The following SSR1 variants were observed in gnomAD, a reference collection of about 807,000 sequenced individuals.
The protein encoded by SSR1 is translocon-associated protein subunit alpha.
SSR1 carries 13 observed loss-of-function variants against 36.1 expected under a neutral mutation model. That is an observed-to-expected ratio of 0.36 (90% CI 0.23 to 0.57). SSR1 has a LOEUF of 0.57. Among genes scored for constraint, SSR1 ranks in the 20% least tolerant of loss-of-function variants. The probability of loss-of-function intolerance (pLI) is 0.81; values close to 1 mark genes in which losing one functional copy is unlikely to be tolerated. For missense variants in SSR1, 291 were observed against 338.5 expected (o/e 0.86, Z 1.10); for synonymous variants, 113 against 118.9 (o/e 0.95, Z 0.32).
chr6:7,303,572 A>G lies in SSR1; in HGVS notation c.258T>C (p.Thr86=). 6.2e-7 allele frequency: 1 copy of G among 1,612,702 alleles called. No individual in the cohort carries two copies. The highest frequency in any genetic ancestry group is 8.5e-7 in the Non-Finnish European group (1 of 1,179,250). ...TACCTTCTCCTTTTACAAACAGTATAGTTGTATCTGCACTCGGTGAAGCTT... is the reference window on the plus strand; with the variant it reads ...TACCTTCTCCTTTTACAAACAGTATGGTTGTATCTGCACTCGGTGAAGCTT... ...EPEASPSADT[T]ILFVKGEDFP... Residue 86 remains threonine (T), a synonymous_variant, in exon 3 of 8, where the codon ACT becomes ACC. Coordinates refer to ENST00000244763, the MANE Select transcript of SSR1 (RefSeq NM_003144.5).
intron 5 of SSR1, 125 bp from the exon 6 acceptor site, chr6:7,298,126 G>T (rs1482941660): frequency 1.5e-5 from 10 of 658,274 alleles, no homozygotes; most frequent in Non-Finnish European, 2.2e-5. Context: ...GGAATAAAAT[G>T]CTTTGTATTC....
In SSR1 at chr6:7,286,155, A is replaced by ATTGATGTT. The variant is rs1357070453; in HGVS notation, c.*3701_*3708dup. On this transcript the variant is annotated 3_prime_UTR_variant, in exon 8 of 8. Coordinates refer to ENST00000244763, the MANE Select transcript of SSR1 (RefSeq NM_003144.5). ...GAAAACAAACAGAACACAGCACGTG[A>ATTGATGTT]TTGATGTTTAATAAATGAGTTCCCT... 2 of 152,044 alleles carry ATTGATGTT rather than the reference A, an allele frequency of 1.3e-5. No individual in the cohort carries two copies. Among genetic ancestry groups the ATTGATGTT allele is most frequent in the Non-Finnish European group, 2.9e-5 (2 of 67,920 alleles). 9.4% of individuals were successfully genotyped at this position (152,044 alleles called of 1,614,324 possible). A position where few individuals can be genotyped will look rare whatever the true frequency, so the allele number is the denominator to read the frequency against.
intron 2 of SSR1, among the ~76,000 whole-genome samples, chr6:7,305,741 T>C (rs1434024981): frequency 6.7e-6 from 1 of 149,952 alleles, no homozygotes; most frequent in Non-Finnish European, 1.5e-5. Flanking sequence ...TATTTGGAAG[T>C]AGAAAATACA....
Position 7,287,168 on chromosome 6 carries a change from T to C in SSR1, c.*2696A>G, listed in dbSNP as rs1484889630. The C allele has an allele frequency of 1.3e-5, 2 of 152,148 alleles. No homozygotes were observed. Among genetic ancestry groups the C allele is most frequent in the Non-Finnish European group, 2.9e-5 (2 of 68,018 alleles). 9.4% of individuals were successfully genotyped at this position (152,148 alleles called of 1,614,324 possible). On this transcript the variant is annotated 3_prime_UTR_variant, in exon 8 of 8. Transcript: ENST00000244763. Reference sequence around the variant, plus strand: ...TATATGAGGCTCGCCTATTACTATATTGATCTACTGTACCTCGAAAATAAC... The same window carrying C: ...TATATGAGGCTCGCCTATTACTATACTGATCTACTGTACCTCGAAAATAAC...
chr6:7,289,315 T>C lies in SSR1; in HGVS notation c.*549A>G, dbSNP rs1757626003. 1 of 152,318 alleles carries C rather than the reference T, an allele frequency of 6.6e-6. No homozygotes were observed. Among genetic ancestry groups the C allele is most frequent in the Admixed American group, 6.5e-5 (1 of 15,270 alleles). 9.4% of individuals were successfully genotyped at this position (152,318 alleles called of 1,614,324 possible). A position where few individuals can be genotyped will look rare whatever the true frequency, so the allele number is the denominator to read the frequency against. On this transcript the variant is annotated 3_prime_UTR_variant, in exon 8 of 8. Transcript: ENST00000244763. ...AGATGCGCATTAAACAGCAGCAAAATACTGAAACAATTCTATTGCTAAAAA... is the reference window on the plus strand; with the variant it reads ...AGATGCGCATTAAACAGCAGCAAAACACTGAAACAATTCTATTGCTAAAAA...
At position 7,298,736 on chromosome 6, in the gene SSR1, C is replaced by G; in HGVS notation, c.620+11G>C. On this transcript the variant is annotated intron_variant, in intron 5 of 7. Coordinates refer to ENST00000244763, the MANE Select transcript of SSR1 (RefSeq NM_003144.5). ...CAAAATCAAGATCTACATACTACAACTTTCACTTACGTTTCTCCATCTAAC... is the reference window on the plus strand; with the variant it reads ...CAAAATCAAGATCTACATACTACAAGTTTCACTTACGTTTCTCCATCTAAC... The G allele has an allele frequency of 1.2e-6, 2 of 1,606,688 alleles. No individual in the cohort carries two copies. The highest frequency in any genetic ancestry group is 1.7e-6 in the Non-Finnish European group (2 of 1,173,676).
At position 7,292,504 on chromosome 6, in the gene SSR1, CA is replaced by C. The variant is rs1164627816; in HGVS notation, c.794-2574del. Among the ~76,000 whole-genome samples, 7 of 152,330 alleles carry C rather than the reference CA, an allele frequency of 4.6e-5. No individual in the cohort carries two copies. The South Asian group carries it at 1.2e-3, about 27-fold the overall frequency. On this transcript the variant is annotated intron_variant, in intron 7 of 7. Coordinates refer to ENST00000244763, the MANE Select transcript of SSR1 (RefSeq NM_003144.5). The stretch of plus-strand genomic sequence containing the variant: ...GCGGAACTGGTAACCCTGCTTCCAG[CA>C]GCTCCTTTGCAGTCCTCCACAAAGT...
In SSR1 at chr6:7,301,401, T is replaced by A. The variant is rs1757929128; in HGVS notation, c.452A>T (p.Gln151Leu). The change falls in exon 4 of 8, where the codon CAG becomes CTG. Residue 151 changes from glutamine (Q) to leucine (L), a missense_variant. Gln to Leu is a moderately radical substitution (Grantham distance 113). Transcript: ENST00000244763. ...AATGAAAGAGTACTCAAAAGTTGCC[T>A]GTCTCTGGGGTGGCACTACAGTGTT... ...PLNTVVPPQR[Q>L]ATFEYSFIPA... The A allele has an allele frequency of 1.2e-6, 2 of 1,614,072 alleles. No individual in the cohort carries two copies. The highest frequency in any genetic ancestry group is 2.7e-5 in the African/African-American group (2 of 74,934).
chr6:7,292,605 C>T (rs562755569), intron 7 of SSR1, among the ~76,000 whole-genome samples: 6 of 152,064 alleles, frequency 3.9e-5, no homozygotes, highest in Non-Finnish European at 5.9e-5. Context: ...AGGCTGGATT[C>T]GAACTTCTGG....
intron 3 of SSR1, among the ~76,000 whole-genome samples, chr6:7,302,176 T>C (rs574291362): frequency 4.6e-5 from 7 of 152,054 alleles, no homozygotes; most frequent in South Asian, 2.1e-4. Flanking sequence ...AAACAGAAAA[T>C]GTAAGAAGAC....
chr6:7,300,103 A>G (rs1757900589), intron 4 of SSR1, among the ~76,000 whole-genome samples: 1 of 152,164 alleles, frequency 6.6e-6, no homozygotes, highest in African/African-American at 2.4e-5. Flanking sequence ...CTACTTAACT[A>G]TAGAGTTAAG....
intron 2 of SSR1, among the ~76,000 whole-genome samples, chr6:7,307,128 T>G (rs1206326779): frequency 5.3e-5 from 8 of 152,134 alleles, no homozygotes; most frequent in Admixed American, 4.6e-4. Flanking sequence ...CCTTGGCAGC[T>G]GAGTATAGGG....
intron 2 of SSR1, 57 bp downstream of exon 2, chr6:7,309,860 A>C (rs778481993): frequency 2.2e-6 from 3 of 1,339,472 alleles, no homozygotes; most frequent in South Asian, 2.3e-5. Flanking sequence ...GCAGCATGAG[A>C]ACAGATGAAT....
At chr6:7,306,674 C>T (rs183944109) in intron 2 of SSR1, among the ~76,000 whole-genome samples, 1,876 of 150,872 alleles carry the variant, frequency 0.012, 28 homozygotes, top group African/African-American at 0.036. Context: ...CCCAGCACTT[C>T]GGGAGGCCGA....
chr6:7,303,695 A>G, intron 2 of SSR1, 58 bp from the exon 3 acceptor site: 2 of 1,394,130 alleles, frequency 1.4e-6, no homozygotes, highest in South Asian at 2.4e-5. Flanking sequence ...ATCATTATTT[A>G]AAAATAAAGA....
intron 4 of SSR1, among the ~76,000 whole-genome samples, chr6:7,299,179 T>C (rs934691983): frequency 2.0e-5 from 3 of 152,178 alleles, no homozygotes; most frequent in South Asian, 4.1e-4. Context: ...AGTTGTCCCC[T>C]GAATTTTCTT....
chr6:7,302,594 CCT>C (rs1757960686), intron 3 of SSR1, among the ~76,000 whole-genome samples: 1 of 151,626 alleles, frequency 6.6e-6, no homozygotes, highest in Non-Finnish European at 1.5e-5. Context: ...AAACCCCATC[CCT>C]ACTAAAAATA....
intron 4 of SSR1, 58 bp downstream of exon 4, chr6:7,301,252 A>G (rs912892604): frequency 1.3e-6 from 2 of 1,568,152 alleles, no homozygotes. Flanking sequence ...CTATTAAACA[A>G]CGTCACCGCC....
chr6:7,311,043 A>C (rs1326037370), intron 1 of SSR1, among the ~76,000 whole-genome samples: 6 of 152,262 alleles, frequency 3.9e-5, no homozygotes, highest in Admixed American at 2.6e-4. Context: ...AAATATCTGT[A>C]ATCATATCCA....
Sources: allele counts gnomAD v4.1 joint callset (sites outside exome capture counted in the v4.1 genomes callset), GRCh38; gene constraint gnomAD v4.1.1; transcripts MANE v1.5; gene names NCBI Gene and HGNC (gene_info 2026-07-23, HGNC 2026-07-21).